Variants in MPPED2 observed in about 807,000 individuals in gnomAD.
The protein encoded by MPPED2 is metallophosphoesterase domain containing 2.
In MPPED2, 5 loss-of-function variants were observed where a neutral mutation model predicts 33.0. The observed-to-expected ratio is 0.15, with a 90% CI of 0.08 to 0.32. The LOEUF (loss-of-function observed/expected upper bound fraction) is 0.32. Among genes scored for constraint, MPPED2 ranks in the 10% least tolerant of loss-of-function variants. The pLI is 1.00. For synonymous variants in MPPED2, 136 were observed against 141.9 expected (o/e 0.96, Z 0.29); for missense variants, 275 against 372.1 (o/e 0.74, Z 2.15).
rs1014421338 is a variant in MPPED2, at chr11:30,496,742, C to G, written c.311-1221G>C. On this transcript the variant is annotated intron_variant, in intron 3 of 6. Coordinates refer to ENST00000358117, the MANE Select transcript of MPPED2 (RefSeq NM_001584.3). ...TGGGGGGAGGTGAGGGGAGCAAGTT[C>G]CATCGTCAGTCCACTTGGATTTCAG... 1.1e-4 allele frequency among the ~76,000 whole-genome samples: 17 copies of G among 151,998 alleles called. 1 individual carries two copies. The highest frequency in any genetic ancestry group is 3.4e-4 in the African/African-American group (14 of 41,446).
chr11:30,412,926 T>C (rs1948174364), intron 6 of MPPED2, among the ~76,000 whole-genome samples: 2 of 152,200 alleles, frequency 1.3e-5, no homozygotes, highest in South Asian at 2.1e-4. Context: ...CCTCCAGAAA[T>C]GTTGCTTAGT....
At position 30,526,767 on chromosome 11, in the gene MPPED2, A is replaced by G. The variant is rs1954210024; in HGVS notation, c.310+9227T>C. On this transcript the variant is annotated intron_variant, in intron 3 of 6. Coordinates refer to ENST00000358117, the MANE Select transcript of MPPED2 (RefSeq NM_001584.3). Reference sequence around the variant, plus strand: ...AGATATGACTGTTAGGTAATCATAAACTTGCATGACTATAAACATTCCAGT... The same window carrying G: ...AGATATGACTGTTAGGTAATCATAAGCTTGCATGACTATAAACATTCCAGT... Among the ~76,000 whole-genome samples the G allele has an allele frequency of 2.0e-5, 3 of 152,066 alleles. No individual in the cohort carries two copies. The South Asian group carries it at 6.2e-4, about 31-fold the overall frequency.
At chr11:30,517,343 A>G (rs1274895355) in intron 3 of MPPED2, among the ~76,000 whole-genome samples, 1 of 152,208 alleles carries the variant, frequency 6.6e-6, no homozygotes, top group Non-Finnish European at 1.5e-5. Context: ...ATGCCAGGGC[A>G]TACACAAACA....
At chr11:30,448,075 T>C (rs988722169) in intron 4 of MPPED2, among the ~76,000 whole-genome samples, 1 of 152,196 alleles carries the variant, frequency 6.6e-6, no homozygotes, top group Non-Finnish European at 1.5e-5. Context: ...CTGTCTGTTG[T>C]CACCATTTAC....
intron 5 of MPPED2, among the ~76,000 whole-genome samples, chr11:30,417,187 T>C (rs1948405535): frequency 6.6e-6 from 1 of 152,168 alleles, no homozygotes; most frequent in South Asian, 2.1e-4. Context: ...GTCCGAATCT[T>C]CCTTCCTTTC....
intron 3 of MPPED2, chr11:30,504,918 T>A (rs1952750533): frequency 1.4e-6 from 1 of 695,852 alleles, no homozygotes; most frequent in Non-Finnish European, 2.2e-6. Flanking sequence ...GGATGCGGAG[T>A]GAAAGCCCGG....
At chr11:30,423,322 A>G (rs1948693829) in intron 4 of MPPED2, among the ~76,000 whole-genome samples, 1 of 152,178 alleles carries the variant, frequency 6.6e-6, no homozygotes, top group Admixed American at 6.5e-5. Flanking sequence ...CAAATTTTCA[A>G]TGCACAGACA....
At chr11:30,571,718 G>GAA (rs1956701056) in intron 2 of MPPED2, among the ~76,000 whole-genome samples, 2 of 152,174 alleles carry the variant, frequency 1.3e-5, no homozygotes, top group African/African-American at 4.8e-5. Context: ...GACTCAGTAA[G>GAA]CTTCTCCTTT....
At chr11:30,570,187 A>G (rs545577642) in intron 2 of MPPED2, among the ~76,000 whole-genome samples, 2 of 152,248 alleles carry the variant, frequency 1.3e-5, no homozygotes, top group South Asian at 4.1e-4. Flanking sequence ...TCCATGATCA[A>G]GGCAGATTCA....
rs200323074 is a variant in MPPED2, at chr11:30,535,063, ATTAG to A, written c.310+927_310+930del. ...CATGAAAAATCAAAATAATTATGTT[ATTAG>A]TTAAGTTTATTGCTTACAATTCTAA... On this transcript the variant is annotated intron_variant, in intron 3 of 6. Coordinates refer to ENST00000358117, the MANE Select transcript of MPPED2 (RefSeq NM_001584.3). 9.1e-3 allele frequency among the ~76,000 whole-genome samples: 1,379 copies of A among 152,318 alleles called. 17 individuals carry two copies. The highest frequency in any genetic ancestry group is 0.032 in the African/African-American group (1,326 of 41,562).
intron 5 of MPPED2, among the ~76,000 whole-genome samples, chr11:30,415,153 C>T (rs1948287715): frequency 2.6e-5 from 4 of 152,168 alleles, no homozygotes. Context: ...TAGGTTATTT[C>T]TATTATTTAG....
intron 4 of MPPED2, among the ~76,000 whole-genome samples, chr11:30,448,843 G>A (rs1949926031): frequency 6.6e-6 from 1 of 152,016 alleles, no homozygotes; most frequent in South Asian, 2.1e-4. Context: ...TTTTAGTAGA[G>A]ACGGGGTTTC....
intron 3 of MPPED2, among the ~76,000 whole-genome samples, chr11:30,520,227 A>G (rs1953785078): frequency 6.6e-6 from 1 of 152,232 alleles, no homozygotes; most frequent in Non-Finnish European, 1.5e-5. Flanking sequence ...AAAATGTAAA[A>G]AAAGTTTACC....
At chr11:30,527,808 C>T (rs934798530) in intron 3 of MPPED2, among the ~76,000 whole-genome samples, 2 of 152,186 alleles carry the variant, frequency 1.3e-5, no homozygotes, top group Non-Finnish European at 2.9e-5. Flanking sequence ...CCCCCTGTCT[C>T]TCCAATTCCT....
downstream of MPPED2, among the ~76,000 whole-genome samples, chr11:30,406,770 A>ACCTT (rs1376250473): frequency 6.6e-6 from 1 of 152,196 alleles, no homozygotes; most frequent in African/African-American, 2.4e-5. Flanking sequence ...CCATCCTGGA[A>ACCTT]CCTTCCCCAC....
At chr11:30,549,381 C>T (rs1023905340) in intron 2 of MPPED2, among the ~76,000 whole-genome samples, 26 of 152,200 alleles carry the variant, frequency 1.7e-4, no homozygotes, top group African/African-American at 6.3e-4. Context: ...TCTGTGTCAA[C>T]ATTTGCTAAA....
chr11:30,586,735 C>T (rs1248455007), upstream of MPPED2: 1 of 152,274 alleles, frequency 6.6e-6, no homozygotes, highest in Non-Finnish European at 1.5e-5. The surrounding 1 kb of genome is among the most constrained non-coding windows in gnomAD (Gnocchi z 4.8). Flanking sequence ...CCCCGCCACC[C>T]ACCGACCTGC....
chr11:30,511,797 C>G (rs1953210654), intron 3 of MPPED2, among the ~76,000 whole-genome samples: 1 of 152,156 alleles, frequency 6.6e-6, no homozygotes, highest in Non-Finnish European at 1.5e-5. Context: ...AAAATATTTT[C>G]TAAAATATTT....
At chr11:30,414,079 A>G (rs1429793434) in intron 6 of MPPED2, 149 bp downstream of exon 6, 3 of 612,536 alleles carry the variant, frequency 4.9e-6, no homozygotes, top group Non-Finnish European at 8.9e-6. Context: ...TATCAGCTTT[A>G]TATTCAGATG....
Sources: allele counts gnomAD v4.1 joint callset (sites outside exome capture counted in the v4.1 genomes callset), GRCh38; gene constraint gnomAD v4.1.1; non-coding constraint Gnocchi (gnomAD v3.1); transcripts MANE v1.5; gene names NCBI Gene and HGNC (gene_info 2026-07-23, HGNC 2026-07-21).